The following CLSTN2 variants were observed in gnomAD, a reference collection of about 807,000 sequenced individuals.
CLSTN2 encodes calsyntenin-2.
A neutral mutation model predicts 101.2 loss-of-function variants in CLSTN2; 48 were observed. That is an observed-to-expected ratio of 0.47 (90% confidence interval 0.38 to 0.60). CLSTN2 has a LOEUF of 0.60. Ranked by LOEUF, CLSTN2 falls within the 20% of genes least tolerant of loss-of-function variation. The pLI, the probability that CLSTN2 is intolerant of heterozygous loss-of-function variation, is 0.00. For missense variants in CLSTN2, 1,160 were observed against 1,238.2 expected (o/e 0.94, Z 0.95); for synonymous variants, 481 against 463.6 (o/e 1.04, Z -0.48).
chr3:140,403,377 T>G (rs112178546), intron 2 of CLSTN2, among the ~76,000 whole-genome samples: 14 of 152,168 alleles, frequency 9.2e-5, no homozygotes, highest in African/African-American at 3.4e-4. Context: ...GCTCATACAT[T>G]AGTGAGCACA....
intron 1 of CLSTN2, among the ~76,000 whole-genome samples, chr3:140,068,000 C>A (rs965438879): frequency 6.6e-6 from 1 of 152,220 alleles, no homozygotes. Flanking sequence ...CTGTGCTGGA[C>A]ACTATGGACA....
chr3:140,112,605 G>A (rs1193366142), intron 1 of CLSTN2, among the ~76,000 whole-genome samples: 1 of 152,006 alleles, frequency 6.6e-6, no homozygotes, highest in African/African-American at 2.4e-5. Flanking sequence ...GTCAAATATG[G>A]GTGAATCTGA....
At chr3:139,983,728 G>T (rs1935974238) in intron 1 of CLSTN2, among the ~76,000 whole-genome samples, 2 of 151,710 alleles carry the variant, frequency 1.3e-5, no homozygotes, top group South Asian at 2.1e-4. Context: ...TTACTATGTA[G>T]TTTTAGCATT....
intron 1 of CLSTN2, among the ~76,000 whole-genome samples, chr3:140,073,931 C>T (rs1426778415): frequency 1.3e-5 from 2 of 152,210 alleles, no homozygotes; most frequent in East Asian, 3.9e-4. Flanking sequence ...TCTGCCCTGC[C>T]CCTGTGAAAA....
intron 2 of CLSTN2, among the ~76,000 whole-genome samples, chr3:140,332,098 C>T (rs563491301): frequency 2.6e-5 from 4 of 152,234 alleles, no homozygotes; most frequent in South Asian, 2.1e-4. Flanking sequence ...CTCTGGGAGC[C>T]GGGGCAGGGT....
chr3:140,062,963 G>A (rs1346812964), intron 1 of CLSTN2, among the ~76,000 whole-genome samples: 1 of 152,128 alleles, frequency 6.6e-6, no homozygotes, highest in Admixed American at 6.5e-5. Flanking sequence ...TTATATTGAA[G>A]TAGAGTTATC....
chr3:140,494,826 G>A (rs1357489250), intron 8 of CLSTN2, among the ~76,000 whole-genome samples: 2 of 152,158 alleles, frequency 1.3e-5, no homozygotes, highest in Admixed American at 6.6e-5. Context: ...GTATTCCATG[G>A]TGTATATGTA....
Position 140,558,665 on chromosome 3 carries a change from A to G in CLSTN2, c.1849A>G (p.Ser617Gly), listed in dbSNP as rs1935849242. The G allele has an allele frequency of 5.0e-6, 8 of 1,613,880 alleles. No individual in the cohort carries two copies. The highest frequency in any genetic ancestry group is 5.9e-6 in the Non-Finnish European group (7 of 1,179,896). Residue 617 changes from serine (S) to glycine (G), a missense_variant, in exon 12 of 17, where the codon AGT (serine) becomes GGT (glycine). Transcript: ENST00000458420. ...VQCFGEDVCI[S>G]IPEVDAYVMV... ...GTGCTTTGGGGAAGACGTATGCATCAGTATCCCTGAGGTAGATGCCTATGT... is the reference window on the plus strand; with the variant it reads ...GTGCTTTGGGGAAGACGTATGCATCGGTATCCCTGAGGTAGATGCCTATGT...
chr3:140,354,116 A>G (rs558659888), intron 2 of CLSTN2, among the ~76,000 whole-genome samples: 6 of 152,336 alleles, frequency 3.9e-5, no homozygotes, highest in African/African-American at 1.4e-4. Flanking sequence ...CTTGAATTTC[A>G]GAAGGAAAGG....
At chr3:140,314,256 C>G (rs902255848) in intron 2 of CLSTN2, among the ~76,000 whole-genome samples, 6 of 152,224 alleles carry the variant, frequency 3.9e-5, no homozygotes, top group African/African-American at 1.4e-4. Context: ...AAGCCAAGCA[C>G]TCTTTCAAGT....
rs144434767 is a variant in CLSTN2, at chr3:140,164,523, G to A, written c.110-11428G>A. Among the ~76,000 whole-genome samples, 10 of 152,256 alleles carry A rather than the reference G, an allele frequency of 6.6e-5. No individual in the cohort carries two copies. In the East Asian group the frequency reaches 1.2e-3, roughly 18 times the overall value. ...GTAAAAGAGAGTGGAGGCCTGGGAC[G>A]TTTGAAAGACTTAACTAAAATATCC... is the stretch of plus-strand genomic sequence containing the variant. On this transcript the variant is annotated intron_variant, in intron 1 of 16. Coordinates refer to ENST00000458420, the MANE Select transcript of CLSTN2 (RefSeq NM_022131.3).
At chr3:140,153,488 C>T (rs1171886093) in intron 1 of CLSTN2, among the ~76,000 whole-genome samples, 8 of 152,242 alleles carry the variant, frequency 5.3e-5, no homozygotes, top group Non-Finnish European at 1.5e-5. Flanking sequence ...TCTCCACCAG[C>T]TAGGGCAGCC....
At chr3:140,352,020 G>C (rs1026544701) in intron 2 of CLSTN2, among the ~76,000 whole-genome samples, 1 of 152,066 alleles carries the variant, frequency 6.6e-6, no homozygotes, top group Non-Finnish European at 1.5e-5. Flanking sequence ...ATATACCTTG[G>C]CAAGAAAATG....
intron 6 of CLSTN2, chr3:140,449,826 G>A (rs1933198207): frequency 6.6e-6 from 1 of 152,246 alleles, no homozygotes; most frequent in African/African-American, 2.4e-5. Context: ...ATTCAGCTCT[G>A]TCACATAGTC....
intron 1 of CLSTN2, among the ~76,000 whole-genome samples, chr3:140,116,750 C>T (rs867518594): frequency 1.3e-5 from 2 of 152,034 alleles, no homozygotes; most frequent in Non-Finnish European, 2.9e-5. Context: ...TGGGAAATAC[C>T]CACCTTCTGC....
intron 1 of CLSTN2, among the ~76,000 whole-genome samples, chr3:140,156,739 A>G (rs908482837): frequency 1.0e-3 from 159 of 152,306 alleles, no homozygotes; most frequent in African/African-American, 3.6e-3. Flanking sequence ...TCCTACTCAG[A>G]CTGCATGGAA....
chr3:140,254,014 G>A (rs1265889284), intron 2 of CLSTN2, among the ~76,000 whole-genome samples: 1 of 151,940 alleles, frequency 6.6e-6, no homozygotes, highest in African/African-American at 2.4e-5. Flanking sequence ...ATTTTCCTTG[G>A]GGTAAAAATT....
At chr3:140,366,113 G>C (rs187310206) in intron 2 of CLSTN2, among the ~76,000 whole-genome samples, 7 of 152,328 alleles carry the variant, frequency 4.6e-5, no homozygotes, top group Non-Finnish European at 1.0e-4. Flanking sequence ...GTGTTCATCT[G>C]CTGCGTGTCA....
intron 8 of CLSTN2, among the ~76,000 whole-genome samples, chr3:140,516,913 C>T (rs542700467): frequency 1.3e-5 from 2 of 152,176 alleles, no homozygotes; most frequent in Admixed American, 1.3e-4. Flanking sequence ...TCAATTATTC[C>T]TTCAAATACG....
Sources: allele counts gnomAD v4.1 joint callset (sites outside exome capture counted in the v4.1 genomes callset), GRCh38; gene constraint gnomAD v4.1.1; transcripts MANE v1.5; gene names NCBI Gene and HGNC (gene_info 2026-07-23, HGNC 2026-07-21).